The following NFIA variants were observed in gnomAD, a reference collection of about 807,000 sequenced individuals.
NFIA encodes nuclear factor I A.
A neutral mutation model predicts 62.8 loss-of-function variants in NFIA; 8 were observed. The observed-to-expected ratio is 0.13, with a 90% CI of 0.07 to 0.23. The LOEUF is 0.23. Among genes scored for constraint, NFIA ranks in the 10% least tolerant of loss-of-function variants. The probability of loss-of-function intolerance (pLI) is 1.00; values close to 1 mark genes in which losing one functional copy is unlikely to be tolerated. For missense variants in NFIA, 410 were observed against 642.1 expected, an observed-to-expected ratio of 0.64 and a Z score of 3.91; for synonymous variants, 235 against 238.1, an observed-to-expected ratio of 0.99 and a Z score of 0.12.
chr1:61,305,868 G>T (rs2100338470), intron 3 of NFIA, among the ~76,000 whole-genome samples: 1 of 138,050 alleles, frequency 7.2e-6, no homozygotes, highest in African/African-American at 2.7e-5. Flanking sequence ...TTTTTTCTGA[G>T]ACAGAGTCTC....
intron 2 of NFIA, among the ~76,000 whole-genome samples, chr1:61,164,636 A>C (rs183125732): frequency 1.3e-5 from 2 of 151,634 alleles, no homozygotes; most frequent in South Asian, 4.2e-4. Flanking sequence ...ATTTTTTTGT[A>C]TTTTTAGTAG....
At chr1:61,192,426 G>A (rs772835592) in intron 2 of NFIA, among the ~76,000 whole-genome samples, 13 of 152,142 alleles carry the variant, frequency 8.5e-5, no homozygotes, top group Admixed American at 2.0e-4. Flanking sequence ...ACCTTGCCAG[G>A]CGCAGTGGCT....
intron 4 of NFIA, among the ~76,000 whole-genome samples, chr1:61,344,352 G>A (rs993977581): frequency 6.6e-6 from 1 of 152,176 alleles, no homozygotes; most frequent in Non-Finnish European, 1.5e-5. Flanking sequence ...ATTGTGCTGG[G>A]TCCATAGAAC....
intron 2 of NFIA, among the ~76,000 whole-genome samples, chr1:61,126,755 G>A (rs1646978449): frequency 6.9e-6 from 1 of 145,266 alleles, no homozygotes; most frequent in Non-Finnish European, 1.5e-5. Context: ...TGGAAAAATG[G>A]TCAGTAACTA....
chr1:61,286,788 G>A (rs1245831601), intron 3 of NFIA, among the ~76,000 whole-genome samples: 1 of 152,182 alleles, frequency 6.6e-6, no homozygotes, highest in Non-Finnish European at 1.5e-5. Flanking sequence ...GAGGATGTGG[G>A]TACTGTCTTA....
intron 2 of NFIA, among the ~76,000 whole-genome samples, chr1:61,154,006 T>G (rs1330168832): frequency 6.6e-6 from 1 of 152,216 alleles, no homozygotes; most frequent in African/African-American, 2.4e-5. Context: ...TCAAGAGCAC[T>G]TTGGAATTTG....
At chr1:61,331,358 A>C (rs1661289693) in intron 3 of NFIA, among the ~76,000 whole-genome samples, 1 of 152,012 alleles carries the variant, frequency 6.6e-6, no homozygotes, top group African/African-American at 2.4e-5. Context: ...AACTTTTTGC[A>C]TGTGTTTATG....
chr1:61,293,673 A>G (rs751547200), intron 3 of NFIA, among the ~76,000 whole-genome samples: 33 of 152,198 alleles, frequency 2.2e-4, no homozygotes, highest in Non-Finnish European at 3.7e-4. Context: ...AATTTAGTAG[A>G]TGTTGGATGG....
At chr1:61,384,441 C>T (rs1191845689) in intron 7 of NFIA, among the ~76,000 whole-genome samples, 1 of 152,110 alleles carries the variant, frequency 6.6e-6, no homozygotes, top group African/African-American at 2.4e-5. Flanking sequence ...CTTGTTTCAT[C>T]TTTAAACATC....
At chr1:61,364,383 A>G (rs140935589) in intron 6 of NFIA, among the ~76,000 whole-genome samples, 55 of 152,362 alleles carry the variant, frequency 3.6e-4, no homozygotes, top group African/African-American at 1.3e-3. Flanking sequence ...TTCAATAAAT[A>G]TTGATTGAAT....
chr1:61,155,040 T>G (rs980651336), intron 2 of NFIA, among the ~76,000 whole-genome samples: 3 of 152,162 alleles, frequency 2.0e-5, no homozygotes, highest in African/African-American at 7.2e-5. Context: ...GTTCCTTAAA[T>G]CTCCCTAGGC....
chr1:61,452,122 C>G (rs1057000244), intron 10 of NFIA, among the ~76,000 whole-genome samples: 16 of 152,138 alleles, frequency 1.1e-4, no homozygotes, highest in African/African-American at 3.9e-4. Flanking sequence ...TATTGTCCAT[C>G]TGGTGTTACT....
At chr1:61,151,400 A>G (rs334705) in intron 2 of NFIA, among the ~76,000 whole-genome samples, 135,790 of 147,294 alleles carry the variant, frequency 0.92, 62,708 homozygotes, top group Middle Eastern at 0.97. Flanking sequence ...TTTTTTTCTT[A>G]ATTTTATCAT....
chr1:61,305,354 C>T (rs564748191), intron 3 of NFIA, among the ~76,000 whole-genome samples: 1 of 152,260 alleles, frequency 6.6e-6, no homozygotes, highest in East Asian at 1.9e-4. Context: ...ACCATGCCCC[C>T]CAAAGCATCA....
At chr1:61,337,427 T>C (rs1329436761) in intron 4 of NFIA, among the ~76,000 whole-genome samples, 1 of 152,210 alleles carries the variant, frequency 6.6e-6, no homozygotes, top group Non-Finnish European at 1.5e-5. Flanking sequence ...TTTGTTCTCT[T>C]GCTAGTTTTT....
rs114496714 is a variant in NFIA at position 61,325,064 on chromosome 1, C to T, written c.626-7448C>T. Among the ~76,000 whole-genome samples the T allele has an allele frequency of 8.7e-3, 1,330 of 152,298 alleles. 15 individuals are homozygous for T. Among genetic ancestry groups the T allele is most frequent in the African/African-American group, 0.028 (1,164 of 41,562 alleles). On this transcript the variant is annotated intron_variant, in intron 3 of 10. Transcript: ENST00000403491. ...CAGTAGTACAGAATTGTAGAGATAG[C>T]ACATTGTGCAACCTGGCTTTTTATC...
At chr1:61,231,258 G>C (rs74090339) in intron 2 of NFIA, among the ~76,000 whole-genome samples, 9,047 of 152,058 alleles carry the variant, frequency 0.059, 311 homozygotes, top group Non-Finnish European at 0.064. Context: ...TTGCATATTG[G>C]AACTAAGCAA....
intron 3 of NFIA, among the ~76,000 whole-genome samples, chr1:61,298,948 T>A (rs764639009): frequency 3.0e-4 from 46 of 152,210 alleles, no homozygotes; most frequent in Non-Finnish European, 1.2e-4. Flanking sequence ...CGAGTAATAG[T>A]CATCCTAACA....
chr1:61,135,007 T>G (rs1647156000), intron 2 of NFIA, among the ~76,000 whole-genome samples: 1 of 152,232 alleles, frequency 6.6e-6, no homozygotes. Flanking sequence ...CTTTTTATTT[T>G]TGGAACAACT....
Sources: allele counts gnomAD v4.1 joint callset (sites outside exome capture counted in the v4.1 genomes callset), GRCh38; gene constraint gnomAD v4.1.1; transcripts MANE v1.5; gene names NCBI Gene and HGNC (gene_info 2026-07-23, HGNC 2026-07-21).